The following CPA6 variants were observed in gnomAD, a reference collection of about 807,000 sequenced individuals.
CPA6 encodes carboxypeptidase B.
In CPA6, 58 loss-of-function variants were observed where a neutral mutation model predicts 63.3. The observed-to-expected ratio is 0.92, with a 90% CI of 0.74 to 1.14. The LOEUF is 1.14. Ranked by LOEUF, CPA6 falls within the 50% of genes most tolerant of loss-of-function variation. CPA6 has a pLI of 0.00. For missense variants in CPA6, 565 were observed against 526.6 expected, an observed-to-expected ratio of 1.07 and a Z score of -0.71; for synonymous variants, 185 against 179.0, an observed-to-expected ratio of 1.03 and a Z score of -0.27.
intron 1 of CPA6, among the ~76,000 whole-genome samples, chr8:67,730,026 G>T (rs77710582): frequency 0.015 from 2,336 of 152,322 alleles, 30 homozygotes; most frequent in Non-Finnish European, 0.025. Flanking sequence ...GATGTAGGGC[G>T]GGGGAGGATT....
At chr8:67,655,280 G>T (rs746449656) in intron 1 of CPA6, among the ~76,000 whole-genome samples, 6 of 152,092 alleles carry the variant, frequency 3.9e-5, no homozygotes, top group Non-Finnish European at 8.8e-5. Context: ...GCATATGCAA[G>T]TCTTTTGGCT....
At chr8:67,719,796 A>T (rs1411221147) in intron 1 of CPA6, among the ~76,000 whole-genome samples, 1 of 152,154 alleles carries the variant, frequency 6.6e-6, no homozygotes, top group Non-Finnish European at 1.5e-5. Flanking sequence ...TGAGGTTTTG[A>T]TTCTGCGTGG....
chr8:67,662,716 C>T (rs1002495391), intron 1 of CPA6, among the ~76,000 whole-genome samples: 2 of 151,764 alleles, frequency 1.3e-5, no homozygotes, highest in East Asian at 1.9e-4. Flanking sequence ...AATGATTTAT[C>T]GCTTATTTGG....
At chr8:67,707,479 G>A (rs1003591054) in intron 1 of CPA6, among the ~76,000 whole-genome samples, 1 of 152,186 alleles carries the variant, frequency 6.6e-6, no homozygotes, top group African/African-American at 2.4e-5. Context: ...GAAACTATAT[G>A]TGAGTATTCT....
intron 6 of CPA6, among the ~76,000 whole-genome samples, chr8:67,499,052 A>T (rs909768414): frequency 6.6e-6 from 1 of 152,252 alleles, no homozygotes; most frequent in Non-Finnish European, 1.5e-5. Context: ...AAATAATAAA[A>T]TAATGAAGCC....
intron 10 of CPA6, among the ~76,000 whole-genome samples, chr8:67,425,171 C>T (rs1466299031): frequency 7.2e-5 from 11 of 152,128 alleles, no homozygotes; most frequent in Non-Finnish European, 4.4e-5. Context: ...TTTAGTCTAA[C>T]AGGCTTTTAA....
At chr8:67,703,459 A>G (rs780889609) in intron 1 of CPA6, among the ~76,000 whole-genome samples, 10 of 152,170 alleles carry the variant, frequency 6.6e-5, no homozygotes, top group Non-Finnish European at 1.2e-4. Context: ...CCCAAAATCC[A>G]CACCACTTAT....
intron 9 of CPA6, among the ~76,000 whole-genome samples, chr8:67,429,845 C>T (rs1157669338): frequency 6.6e-6 from 1 of 152,084 alleles, no homozygotes; most frequent in Non-Finnish European, 1.5e-5. Context: ...AATCACTTTG[C>T]CTATTTACAC....
chr8:67,562,756 C>A (rs1369013926), intron 2 of CPA6, among the ~76,000 whole-genome samples: 1 of 152,152 alleles, frequency 6.6e-6, no homozygotes, highest in African/African-American at 2.4e-5. Flanking sequence ...GTCTCTCAAT[C>A]TGGAAAAAGC....
chr8:67,512,216 C>A (rs916223380), intron 3 of CPA6, among the ~76,000 whole-genome samples: 1 of 152,172 alleles, frequency 6.6e-6, no homozygotes, highest in Non-Finnish European at 1.5e-5. Flanking sequence ...GAAAACTGAG[C>A]CTAGGCTTCT....
intron 1 of CPA6, among the ~76,000 whole-genome samples, chr8:67,656,400 A>G (rs749596264): frequency 2.6e-5 from 4 of 152,214 alleles, no homozygotes; most frequent in Non-Finnish European, 5.9e-5. Context: ...GTTACAGGGC[A>G]GGAAACATGG....
intron 2 of CPA6, among the ~76,000 whole-genome samples, chr8:67,569,058 T>A (rs1356462752): frequency 6.6e-6 from 1 of 151,958 alleles, no homozygotes; most frequent in East Asian, 1.9e-4. Flanking sequence ...GCAGGAAGAG[T>A]GTTTTTAAAA....
chr8:67,620,667 A>G (rs546289153), intron 2 of CPA6, among the ~76,000 whole-genome samples: 1 of 152,322 alleles, frequency 6.6e-6, no homozygotes, highest in South Asian at 2.1e-4. Flanking sequence ...TTTCCATAGT[A>G]CAAATGGTTT....
intron 3 of CPA6, among the ~76,000 whole-genome samples, chr8:67,511,870 A>G (rs1812049891): frequency 6.6e-6 from 1 of 152,226 alleles, no homozygotes; most frequent in South Asian, 2.1e-4. Context: ...ATAGGCAGAT[A>G]TCCTCAAGTG....
At chr8:67,516,921 C>T (rs184021150) in intron 3 of CPA6, among the ~76,000 whole-genome samples, 26 of 152,090 alleles carry the variant, frequency 1.7e-4, no homozygotes, top group Middle Eastern at 6.8e-3. Flanking sequence ...CTCAGCCCCC[C>T]GAGTAGCTAG....
intron 2 of CPA6, among the ~76,000 whole-genome samples, chr8:67,534,501 C>A (rs1471542252): frequency 6.6e-6 from 1 of 152,164 alleles, no homozygotes; most frequent in African/African-American, 2.4e-5. Flanking sequence ...AATTGGTTAT[C>A]AACCTATCTA....
At chr8:67,534,323 G>T (rs1812538249) in intron 2 of CPA6, among the ~76,000 whole-genome samples, 1 of 152,170 alleles carries the variant, frequency 6.6e-6, no homozygotes, top group African/African-American at 2.4e-5. Context: ...TGGGCTTTTA[G>T]CTCTTGGTGG....
chr8:67,691,968 C>T (rs1587705746), intron 1 of CPA6, among the ~76,000 whole-genome samples: 1 of 152,182 alleles, frequency 6.6e-6, no homozygotes, highest in African/African-American at 2.4e-5. Flanking sequence ...ATGAGCCATG[C>T]TGGAGTTGTT....
intron 2 of CPA6, among the ~76,000 whole-genome samples, chr8:67,608,140 G>A (rs1404424488): frequency 6.6e-6 from 1 of 152,172 alleles, no homozygotes; most frequent in African/African-American, 2.4e-5. Context: ...CATCACTTTT[G>A]TGTACATTCT....
Sources: gnomAD v4.1 joint callset for allele counts (sites outside exome capture counted in the v4.1 genomes callset) on GRCh38, gnomAD v4.1.1 for gene constraint, MANE v1.5 for transcripts, NCBI Gene and HGNC (gene_info 2026-07-23, HGNC 2026-07-21) for gene names.